The following CDH4 variants were observed in gnomAD, a reference collection of about 807,000 sequenced individuals.
The protein encoded by CDH4 is cadherin-4.
CDH4 carries 33 observed loss-of-function variants against 86.0 expected under a neutral mutation model. The ratio of observed to expected loss-of-function variants is 0.38; its 90% CI spans 0.29 to 0.51. The LOEUF (loss-of-function observed/expected upper bound fraction) is 0.51, where lower values mean the gene tolerates loss of function less well. CDH4 is among the 20% of genes least tolerant of loss of function. The pLI is 0.86. For synonymous variants in CDH4, 555 were observed against 549.4 expected, an observed-to-expected ratio of 1.01 and a Z score of -0.14; for missense variants, 1,114 against 1,307.4, an observed-to-expected ratio of 0.85 and a Z score of 2.28.
chr20:61,542,764 G>A (rs1384051549), intron 2 of CDH4, among the ~76,000 whole-genome samples: 1 of 152,194 alleles, frequency 6.6e-6, no homozygotes, highest in Non-Finnish European at 1.5e-5. Flanking sequence ...GTTCTCCAAA[G>A]GGACAGAACT....
chr20:61,831,791 G>A (rs992030895), intron 4 of CDH4, among the ~76,000 whole-genome samples: 7 of 152,254 alleles, frequency 4.6e-5, no homozygotes, highest in African/African-American at 1.7e-4. Context: ...AAGGGGAGAA[G>A]GTGTCACTGG....
In CDH4 at chr20:61,371,017, G is replaced by A. The variant is rs182053866; in HGVS notation, c.169+116080G>A. Among the ~76,000 whole-genome samples, 16 of 152,382 alleles carry A rather than the reference G, an allele frequency of 1.0e-4. No homozygotes were observed. The Middle Eastern group carries it at 0.01, about 97-fold the overall frequency. On this transcript the variant is annotated intron_variant, in intron 2 of 15. Coordinates refer to ENST00000614565, the MANE Select transcript of CDH4 (RefSeq NM_001794.5). ...GGCTTCCTGGGAACGGGGCGGGAGCGCGCAGCCTGGGGGATTTTTTATTTG... is the reference window on the plus strand; with the variant it reads ...GGCTTCCTGGGAACGGGGCGGGAGCACGCAGCCTGGGGGATTTTTTATTTG...
chr20:61,288,209 A>C (rs1036422703), intron 2 of CDH4, among the ~76,000 whole-genome samples: 1 of 150,344 alleles, frequency 6.7e-6, no homozygotes, highest in Admixed American at 6.6e-5. Context: ...CAGAAAAAAA[A>C]ATCCCTTTTC....
At chr20:61,550,037 C>A (rs2086116349) in intron 2 of CDH4, among the ~76,000 whole-genome samples, 1 of 151,922 alleles carries the variant, frequency 6.6e-6, no homozygotes, top group Non-Finnish European at 1.5e-5. Context: ...CCTGGCCTCC[C>A]TGGCCTCCCT....
chr20:61,817,852 C>T (rs1601019288), intron 4 of CDH4, among the ~76,000 whole-genome samples: 1 of 152,264 alleles, frequency 6.6e-6, no homozygotes, highest in Non-Finnish European at 1.5e-5. Flanking sequence ...GGTTGTCTCC[C>T]AGGAGGCCAT....
intron 2 of CDH4, among the ~76,000 whole-genome samples, chr20:61,494,276 C>A (rs947684136): frequency 1.3e-5 from 2 of 152,170 alleles, no homozygotes. Flanking sequence ...AATAAGGAGA[C>A]CCCCACCTCT....
intron 2 of CDH4, among the ~76,000 whole-genome samples, chr20:61,415,824 C>T (rs1034427445): frequency 1.3e-5 from 2 of 151,994 alleles, no homozygotes; most frequent in Non-Finnish European, 2.9e-5. Context: ...CTTAGCCTCC[C>T]GAGTAGCTGG....
intron 2 of CDH4, among the ~76,000 whole-genome samples, chr20:61,423,192 C>T (rs2085189911): frequency 6.6e-6 from 1 of 152,094 alleles, no homozygotes; most frequent in Non-Finnish European, 1.5e-5. Context: ...TGGGACAGAC[C>T]CAGCATCTGC....
At chr20:61,841,728 TGTGA>T (rs1982184261) in intron 4 of CDH4, among the ~76,000 whole-genome samples, 2 of 151,970 alleles carry the variant, frequency 1.3e-5, no homozygotes, top group Admixed American at 1.3e-4. Context: ...CCTCACAGAC[TGTGA>T]GTGTGTGCAC....
chr20:61,693,498 G>A (rs1490997556), intron 2 of CDH4, among the ~76,000 whole-genome samples: 2 of 152,226 alleles, frequency 1.3e-5, no homozygotes, highest in African/African-American at 4.8e-5. Flanking sequence ...AAGGCCGAAG[G>A]CACTGGTCAT....
chr20:61,934,813 A>C (rs574753237), intron 15 of CDH4, among the ~76,000 whole-genome samples: 1 of 146,440 alleles, frequency 6.8e-6, no homozygotes, highest in East Asian at 2.1e-4. Flanking sequence ...CCGCCTGACC[A>C]CCTGCCCAAC....
intron 2 of CDH4, among the ~76,000 whole-genome samples, chr20:61,680,360 C>T (rs1285216180): frequency 1.3e-5 from 2 of 152,176 alleles, no homozygotes; most frequent in Non-Finnish European, 2.9e-5. Flanking sequence ...GCCCAAATGG[C>T]CTGATGGAGG....
rs1156228381 is a variant in CDH4, at chr20:61,308,464, G to GA, written c.169+53530dup. Among the ~76,000 whole-genome samples the GA allele has an allele frequency of 5.9e-5, 9 of 152,172 alleles. No homozygotes were observed. In the South Asian group the frequency reaches 1.9e-3, roughly 31 times the overall value. ...CCCTCCTTCTCATTGCACTGTGCAG[G>GA]AAAGCTGTGCCGACAATTAATCTCT... On this transcript the variant is annotated intron_variant, in intron 2 of 15. Transcript: ENST00000614565.
rs2085639487 is a variant in CDH4, at chr20:61,493,514, A to G, written c.169+238577A>G. Among the ~76,000 whole-genome samples, 5 of 152,248 alleles carry G rather than the reference A, an allele frequency of 3.3e-5. No individual in the cohort carries two copies. The South Asian group carries it at 1.0e-3, about 32-fold the overall frequency. ...TGCCTTAGGCAATGCCTCTACGGCT[A>G]CAACCCGTGTGCCATTCCGGCTCTT... On this transcript the variant is annotated intron_variant, in intron 2 of 15. Transcript: ENST00000614565.
chr20:61,310,023 C>T (rs962790880), intron 2 of CDH4, among the ~76,000 whole-genome samples: 22 of 152,114 alleles, frequency 1.4e-4, no homozygotes, highest in African/African-American at 4.8e-4. Flanking sequence ...AGCTCTCCTG[C>T]GGCTTACAGA....
rs572620978 is a variant in CDH4 at position 61,602,864 on chromosome 20, T to C, written c.170-140699T>C. 9.2e-5 allele frequency among the ~76,000 whole-genome samples: 14 copies of C among 152,352 alleles called. No individual in the cohort carries two copies. The South Asian group carries it at 2.7e-3, about 29-fold the overall frequency. On this transcript the variant is annotated intron_variant, in intron 2 of 15. Coordinates refer to ENST00000614565, the MANE Select transcript of CDH4 (RefSeq NM_001794.5). ...ACACGCCCGCAGGGCATTTACTTGATGAACGTGTTACGGTTTCGCTTCTCA... is the reference window on the plus strand; with the variant it reads ...ACACGCCCGCAGGGCATTTACTTGACGAACGTGTTACGGTTTCGCTTCTCA...
chr20:61,773,608 T>G (rs574120052), intron 4 of CDH4, among the ~76,000 whole-genome samples: 1 of 152,304 alleles, frequency 6.6e-6, no homozygotes, highest in South Asian at 2.1e-4. Flanking sequence ...GTCTGCAAGT[T>G]CTTGGTCCCC....
At chr20:61,298,990 C>T (rs552984966) in intron 2 of CDH4, among the ~76,000 whole-genome samples, 36 of 152,224 alleles carry the variant, frequency 2.4e-4, no homozygotes, top group Middle Eastern at 3.4e-3. Context: ...GATCACTGAG[C>T]ATTATGGGTT....
chr20:61,710,605 C>T (rs1301451081), intron 2 of CDH4, among the ~76,000 whole-genome samples: 1 of 152,208 alleles, frequency 6.6e-6, no homozygotes, highest in Non-Finnish European at 1.5e-5. Flanking sequence ...GGCCCTGGGG[C>T]TGCAAAGGTG....
Sources: gnomAD v4.1 joint callset for allele counts (sites outside exome capture counted in the v4.1 genomes callset) on GRCh38, gnomAD v4.1.1 for gene constraint, MANE v1.5 for transcripts, NCBI Gene and HGNC (gene_info 2026-07-23, HGNC 2026-07-21) for gene names.